Variants in PPL observed in about 807,000 individuals in gnomAD.
PPL encodes the protein periplakin.
In PPL, 198 loss-of-function variants were observed where a neutral mutation model predicts 194.4. The ratio of observed to expected loss-of-function variants is 1.02; its 90% confidence interval spans 0.91 to 1.15. PPL has a LOEUF of 1.15. PPL is among the 50% of genes most tolerant of loss of function. The pLI is 0.00. For missense variants in PPL, 2,885 were observed against 2,294.8 expected, an observed-to-expected ratio of 1.26 and a Z score of -5.25; for synonymous variants, 1,220 against 972.4, an observed-to-expected ratio of 1.25 and a Z score of -4.74.
chr16:4,893,143 TC>T, intron 14 of PPL, 69 bp downstream of exon 14: 1 of 1,432,602 alleles, frequency 7.0e-7, no homozygotes, highest in Non-Finnish European at 9.1e-7. Flanking sequence ...GGAAAAGACC[TC>T]AAATAGGGGC....
chr16:4,903,769 G>A, intron 3 of PPL, 117 bp downstream of exon 3: 4 of 1,211,166 alleles, frequency 3.3e-6, no homozygotes, highest in Non-Finnish European at 4.6e-6. Context: ...CACGTGCCTG[G>A]CACCTAATTA....
At chr16:4,888,740 G>T in intron 19 of PPL, 1 of 472,790 alleles carries the variant, frequency 2.1e-6, no homozygotes, top group Non-Finnish European at 3.7e-6. Flanking sequence ...TTTCCTTAAG[G>T]ATAAATTCCC....
At chr16:4,891,624 G>T in intron 16 of PPL, 187 bp downstream of exon 16, 2 of 666,442 alleles carry the variant, frequency 3.0e-6, no homozygotes, top group Non-Finnish European at 4.8e-6. Flanking sequence ...AATCCCGTAA[G>T]TCACACAGAT....
At position 4,890,915 on chromosome 16, in the gene PPL, C is replaced by T. The variant is rs1175231363; in HGVS notation, c.1975G>A (p.Ala659Thr). 3 of 1,519,710 alleles carry T rather than the reference C, an allele frequency of 2.0e-6. No homozygotes were observed. The African/African-American group carries it at 4.2e-5, about 21-fold the overall frequency. 94.1% of individuals were successfully genotyped at this position (1,519,710 alleles called of 1,614,324 possible). Residue 659 changes from alanine to threonine, a missense_variant, in exon 17 of 22, where the codon GCC (alanine) becomes ACC (threonine). By Grantham distance (58) the Ala-to-Thr change is moderately conservative (BLOSUM62 0). Transcript: ENST00000345988. ...DSKGQELAAM[A>T]CELQAQKSLL... is the part of the protein sequence containing the mutation. ...GACTTCTGGGCCTGTAACTCACAGG[C>T]CATGGCCTGGCGGGGCAGAGGAGGA... is the stretch of plus-strand genomic sequence containing the variant.
At chr16:4,909,508 C>A (rs894436572) in intron 2 of PPL, among the ~76,000 whole-genome samples, 1 of 149,816 alleles carries the variant, frequency 6.7e-6, no homozygotes, top group African/African-American at 2.5e-5. Context: ...CTCACTGCAA[C>A]CTCCGCCTCC....
At chr16:4,898,393 G>A (rs572083235) in intron 8 of PPL, among the ~76,000 whole-genome samples, 2 of 152,276 alleles carry the variant, frequency 1.3e-5, no homozygotes, top group East Asian at 1.9e-4. Context: ...GGGGTTGGTG[G>A]CATTGTGGGG....
At chr16:4,916,779 A>C (rs1228941693) in intron 1 of PPL, among the ~76,000 whole-genome samples, 1 of 151,906 alleles carries the variant, frequency 6.6e-6, no homozygotes, top group Non-Finnish European at 1.5e-5. Context: ...TATTAGGATT[A>C]CAGGCGTGAG....
In PPL at chr16:4,883,030, G is replaced by T; in HGVS notation, c.*354C>A. ...CACCAGTACCCATGCTGCAAGGAGT[G>T]GGCTTGGCTGCTGTGGTTGGCTTGT... On this transcript the variant is annotated 3_prime_UTR_variant, in exon 22 of 22. Transcript: ENST00000345988. This position sits in a 1 kb window ranked among gnomAD's most constrained non-coding sequence, Gnocchi z 4.8. 1 of 284,204 alleles carries T rather than the reference G, an allele frequency of 3.5e-6. No homozygotes were observed. The highest frequency in any genetic ancestry group is 6.8e-6 in the Non-Finnish European group (1 of 147,952). The allele number at this position is 284,204 out of a possible 1,614,324, so 17.6% of individuals were successfully genotyped here. A position where few individuals can be genotyped will look rare whatever the true frequency, so the allele number is the denominator to read the frequency against.
chr16:4,890,788 T>C lies in PPL; in HGVS notation c.2102A>G (p.Glu701Gly). The C allele has an allele frequency of 1.2e-6, 2 of 1,607,470 alleles. No individual in the cohort carries two copies. The highest frequency in any genetic ancestry group is 1.7e-6 in the Non-Finnish European group (2 of 1,177,416). The change falls in exon 17 of 22, where the codon GAG (glutamate) becomes GGG (glycine). Residue 701 changes from glutamate (E) to glycine (G), a missense_variant. Physicochemically the swap from Glu to Gly is moderately conservative, Grantham distance 98 (BLOSUM62 -2). Coordinates refer to ENST00000345988, the MANE Select transcript of PPL (RefSeq NM_002705.5). ...QEHCPDLERQEAEVHKLGQRF... is the reference protein window; with the variant it reads ...QEHCPDLERQGAEVHKLGQRF... ...CTGGCCCAGCTTGTGCACCTCGGCC[T>C]CCTGGCGCTCCAGGTCCGGACAGTG...
Position 4,909,424 on chromosome 16 carries a change from C to CTTT in PPL, c.162+1423_162+1425dup, listed in dbSNP as rs199792362. ...CAGCCTCCCACTCCTCTGGTCCCACCTTTTTTTTTTTTTTTTTTTTTTGAG... is the reference window on the plus strand; with the variant it reads ...CAGCCTCCCACTCCTCTGGTCCCACCTTTTTTTTTTTTTTTTTTTTTTTTTGAG... On this transcript the variant is annotated intron_variant, in intron 2 of 21. Transcript: ENST00000345988. 4.0e-3 allele frequency among the ~76,000 whole-genome samples: 478 copies of CTTT among 118,186 alleles called. 22 individuals are homozygous for CTTT. Among genetic ancestry groups the CTTT allele is most frequent in the African/African-American group, 0.015 (381 of 25,342 alleles). The allele number at this position is 118,186 out of a possible 152,430, so 77.5% of individuals were successfully genotyped here. A position where few individuals can be genotyped will look rare whatever the true frequency, so the allele number is the denominator to read the frequency against.
chr16:4,911,012 CAG>C, intron 1 of PPL, 63 bp from the exon 2 acceptor site: 1 of 1,340,700 alleles, frequency 7.5e-7, no homozygotes. Flanking sequence ...ATGTCCCCAC[CAG>C]CACCCCATCC....
chr16:4,927,379 T>C (rs1044009691), intron 1 of PPL, among the ~76,000 whole-genome samples: 2 of 152,236 alleles, frequency 1.3e-5, no homozygotes, highest in African/African-American at 4.8e-5. Flanking sequence ...AAGAATGATG[T>C]CTGGACCCAT....
intron 18 of PPL, among the ~76,000 whole-genome samples, chr16:4,889,887 C>G (rs946846320): frequency 6.6e-6 from 1 of 152,234 alleles, no homozygotes; most frequent in East Asian, 1.9e-4. Flanking sequence ...ATTTCCCCCA[C>G]AAAGGCGGCT....
intron 1 of PPL, among the ~76,000 whole-genome samples, chr16:4,927,061 G>T (rs144616761): frequency 1.1e-4 from 16 of 152,142 alleles, no homozygotes; most frequent in African/African-American, 3.9e-4. Context: ...GATAAATAGG[G>T]CACTATGGTG....
Position 4,883,545 on chromosome 16 carries a change from T to C in PPL, c.5110A>G (p.Asn1704Asp). Residue 1704 changes from asparagine (N) to aspartate (D), a missense_variant, in exon 22 of 22, where the codon AAT becomes GAT. Physicochemically the swap from Asn to Asp is conservative, Grantham distance 23 (BLOSUM62 1). Transcript: ENST00000345988. The surrounding 1 kb of genome is among the most constrained non-coding windows in gnomAD (Gnocchi z 4.8). ...TCGTGTATCACTGAGGACTCCCCATTGGGACCCTTCACTGAGATCTCCTCC... is the reference window on the plus strand; with the variant it reads ...TCGTGTATCACTGAGGACTCCCCATCGGGACCCTTCACTGAGATCTCCTCC... ...DWEEISVKGPNGESSVIHDRK... is the reference protein window; with the variant it reads ...DWEEISVKGPDGESSVIHDRK... 3.7e-6 allele frequency: 6 copies of C among 1,614,156 alleles called. No homozygotes were observed. Among genetic ancestry groups the C allele is most frequent in the Middle Eastern group, 3.3e-4 (2 of 6,060 alleles).
Position 4,883,431 on chromosome 16 carries a change from C to A in PPL, c.5224G>T (p.Asp1742Tyr), listed in dbSNP as rs1262678469. 1.9e-6 allele frequency: 3 copies of A among 1,614,190 alleles called. No individual in the cohort carries two copies. The highest frequency in any genetic ancestry group is 2.5e-6 in the Non-Finnish European group (3 of 1,180,036). The change falls in exon 22 of 22, where the codon GAT becomes TAT. Residue 1742 changes from aspartate (D) to tyrosine (Y), a missense_variant. Asp to Tyr is a radical substitution (Grantham distance 160, BLOSUM62 -3). Transcript: ENST00000345988. The surrounding 1 kb of genome is among the most constrained non-coding windows in gnomAD (Gnocchi z 4.8). ...ACCGCCAGCTCCTGGATGGACATATCCTTGTTGACATAGCGGTCATACTGA... is the reference window on the plus strand; with the variant it reads ...ACCGCCAGCTCCTGGATGGACATATACTTGTTGACATAGCGGTCATACTGA... ...PAQYDRYVNK[D>Y]MSIQELAVLV...
At chr16:4,898,640 T>G (rs952638440) in intron 8 of PPL, among the ~76,000 whole-genome samples, 2 of 152,100 alleles carry the variant, frequency 1.3e-5, no homozygotes, top group Admixed American at 6.5e-5. Context: ...GGAAGGCACA[T>G]GTCCTGGAGC....
At chr16:4,906,070 T>G (rs562108135) in intron 2 of PPL, among the ~76,000 whole-genome samples, 1 of 152,158 alleles carries the variant, frequency 6.6e-6, no homozygotes, top group African/African-American at 2.4e-5. Flanking sequence ...ATTGCACCAC[T>G]GCACTCCAGC....
intron 16 of PPL, 86 bp from the exon 17 acceptor site, chr16:4,891,007 T>G (rs1722145602): frequency 8.0e-7 from 1 of 1,247,240 alleles, no homozygotes; most frequent in African/African-American, 1.5e-5. Context: ...CCTGGGCCAC[T>G]GACTGTAGGA....
Sources: allele counts gnomAD v4.1 joint callset (sites outside exome capture counted in the v4.1 genomes callset), GRCh38; gene constraint gnomAD v4.1.1; non-coding constraint Gnocchi (gnomAD v3.1); transcripts MANE v1.5; gene names NCBI Gene and HGNC (gene_info 2026-07-23, HGNC 2026-07-21).